MAP3K20: variants seen among roughly 807,000 people sequenced by gnomAD.
MAP3K20 encodes the protein mitogen-activated protein kinase kinase kinase 20, also known as HCCS-4.
In MAP3K20, 40 loss-of-function variants were observed where a neutral mutation model predicts 85.7. That is an observed-to-expected ratio of 0.47 (90% CI 0.36 to 0.61). The LOEUF (loss-of-function observed/expected upper bound fraction) is 0.61, where lower values mean the gene tolerates loss of function less well. MAP3K20 is among the 20% of genes least tolerant of loss of function. MAP3K20 has a pLI of 0.00. For missense variants in MAP3K20, 817 were observed against 961.7 expected (o/e 0.85, Z 1.99); for synonymous variants, 325 against 327.7 (o/e 0.99, Z 0.09).
At chr2:173,117,639 A>G (rs1405315595) in intron 2 of MAP3K20, among the ~76,000 whole-genome samples, 1 of 152,076 alleles carries the variant, frequency 6.6e-6, no homozygotes, top group Non-Finnish European at 1.5e-5. Context: ...AAAAGAATCA[A>G]TTAGTAATTT....
intron 14 of MAP3K20, among the ~76,000 whole-genome samples, chr2:173,235,940 T>C (rs574385260): frequency 6.6e-6 from 1 of 151,790 alleles, no homozygotes; most frequent in Admixed American, 6.6e-5. Context: ...AAGTCAAACG[T>C]TGGAAAAGCT....
intron 15 of MAP3K20, among the ~76,000 whole-genome samples, chr2:173,239,014 C>T (rs1684719278): frequency 6.6e-6 from 1 of 152,306 alleles, no homozygotes; most frequent in African/African-American, 2.4e-5. Flanking sequence ...ACATTTGCAT[C>T]CTCCATCCAC....
chr2:173,202,153 T>A (rs1253458746), intron 8 of MAP3K20, among the ~76,000 whole-genome samples: 1 of 152,224 alleles, frequency 6.6e-6, no homozygotes, highest in African/African-American at 2.4e-5. Flanking sequence ...TGAATTTTTT[T>A]TTAACCTTCA....
intron 9 of MAP3K20, among the ~76,000 whole-genome samples, chr2:173,204,462 T>C (rs993253999): frequency 2.0e-5 from 3 of 152,224 alleles, no homozygotes; most frequent in Admixed American, 6.5e-5. Context: ...CATCTTGATA[T>C]GTACTGCCTG....
chr2:173,251,639 C>T (rs182126065), intron 16 of MAP3K20, among the ~76,000 whole-genome samples: 35 of 152,278 alleles, frequency 2.3e-4, no homozygotes, highest in African/African-American at 6.5e-4. Flanking sequence ...GTCCTGGTTA[C>T]GCAGGCAGCT....
chr2:173,213,530 A>G (rs1287695590), intron 10 of MAP3K20, among the ~76,000 whole-genome samples: 4 of 152,242 alleles, frequency 2.6e-5, no homozygotes, highest in Non-Finnish European at 4.4e-5. Flanking sequence ...AGATGCCTGT[A>G]CTTCATTTAG....
chr2:173,212,847 T>C (rs899694659), intron 10 of MAP3K20: 1 of 146,800 alleles, frequency 6.8e-6, no homozygotes, highest in African/African-American at 2.5e-5. Flanking sequence ...TGCAAAAATG[T>C]AGGGACACTT....
At chr2:173,240,239 C>T (rs2106338329) in intron 16 of MAP3K20, among the ~76,000 whole-genome samples, 1 of 152,290 alleles carries the variant, frequency 6.6e-6, no homozygotes, top group East Asian at 1.9e-4. Flanking sequence ...ATGCAGGTTG[C>T]TCTGGTCTCA....
intron 14 of MAP3K20, among the ~76,000 whole-genome samples, chr2:173,237,019 CTTTTTTTT>C (rs368196400): frequency 2.0e-4 from 15 of 75,538 alleles, no homozygotes; most frequent in Admixed American, 3.8e-4. Flanking sequence ...GTATATCCAC[CTTTTTTTT>C]TTTTTTTTTT....
intron 2 of MAP3K20, among the ~76,000 whole-genome samples, chr2:173,140,395 C>G (rs188646636): frequency 6.6e-6 from 1 of 152,030 alleles, no homozygotes; most frequent in Admixed American, 6.5e-5. Context: ...GTTGTCCAGG[C>G]TGGTATGCAG....
intron 2 of MAP3K20, among the ~76,000 whole-genome samples, chr2:173,157,817 C>T (rs1323172003): frequency 6.6e-6 from 1 of 152,172 alleles, no homozygotes; most frequent in Non-Finnish European, 1.5e-5. Context: ...TGATTCTGCA[C>T]AGTTGAGTGT....
At chr2:173,192,071 GCCCTGCTATTTATACTATTATA>G (rs1690668964) in intron 7 of MAP3K20, among the ~76,000 whole-genome samples, 1 of 105,474 alleles carries the variant, frequency 9.5e-6, no homozygotes. Context: ...ATCTCATACT[GCCCTGCTATTTATACTATTATA>G]CTGCCCTGCT....
intron 16 of MAP3K20, among the ~76,000 whole-genome samples, chr2:173,240,918 A>G (rs576730290): frequency 6.6e-6 from 1 of 152,370 alleles, no homozygotes; most frequent in African/African-American, 2.4e-5. Context: ...CATATACACA[A>G]TGGCATACCG....
At chr2:173,119,607 A>G (rs142683055) in intron 2 of MAP3K20, among the ~76,000 whole-genome samples, 1,750 of 152,306 alleles carry the variant, frequency 0.011, 22 homozygotes, top group Middle Eastern at 0.024. Flanking sequence ...ACAAAACACG[A>G]TGGATTTGGT....
chr2:173,135,769 T>C (rs1331011107), intron 2 of MAP3K20, among the ~76,000 whole-genome samples: 1 of 152,240 alleles, frequency 6.6e-6, no homozygotes, highest in Non-Finnish European at 1.5e-5. Flanking sequence ...GCAGGAGATA[T>C]CATTATCACT....
intron 3 of MAP3K20, among the ~76,000 whole-genome samples, chr2:173,174,459 T>G (rs1179610545): frequency 6.6e-6 from 1 of 152,240 alleles, no homozygotes; most frequent in Non-Finnish European, 1.5e-5. Flanking sequence ...CATGTGGTGT[T>G]TGGTTTTCTG....
intron 2 of MAP3K20, among the ~76,000 whole-genome samples, chr2:173,094,925 CA>C (rs1180188441): frequency 6.6e-6 from 1 of 152,198 alleles, no homozygotes; most frequent in Non-Finnish European, 1.5e-5. Flanking sequence ...TATCTTTCCT[CA>C]GCAAACATTT....
rs1166598731 is a variant in MAP3K20 at position 173,232,300 on chromosome 2, T to C, written c.1064-20T>C. 1.2e-6 allele frequency: 2 copies of C among 1,614,214 alleles called. No homozygotes were observed. Among genetic ancestry groups the C allele is most frequent in the South Asian group, 1.1e-5 (1 of 91,078 alleles). On this transcript the variant is annotated intron_variant, in intron 13 of 19. Coordinates refer to ENST00000375213, the MANE Select transcript of MAP3K20 (RefSeq NM_016653.3). Reference sequence around the variant, plus strand: ...GTGATTTCATCTAATTTTATTCTGCTTTCTAATCACTTCCTTCAGGTGACT... The same window carrying C: ...GTGATTTCATCTAATTTTATTCTGCCTTCTAATCACTTCCTTCAGGTGACT...
intron 2 of MAP3K20, among the ~76,000 whole-genome samples, chr2:173,149,443 G>T (rs1427663794): frequency 6.6e-6 from 1 of 151,080 alleles, no homozygotes; most frequent in Middle Eastern, 3.2e-3. Flanking sequence ...ATGGGTGAGG[G>T]GTATATGGGA....
Sources: allele counts gnomAD v4.1 joint callset (sites outside exome capture counted in the v4.1 genomes callset), GRCh38; gene constraint gnomAD v4.1.1; transcripts MANE v1.5; gene names NCBI Gene and HGNC (gene_info 2026-07-23, HGNC 2026-07-21).